The following DGKB variants were observed in gnomAD, a reference collection of about 807,000 sequenced individuals.
DGKB encodes the protein diacylglycerol kinase beta, also known as 90 kDa diacylglycerol kinase.
Under a neutral mutation model 114.3 loss-of-function variants are expected in DGKB, and 67 were observed. The observed-to-expected ratio is 0.59, with a 90% CI of 0.48 to 0.72. The LOEUF (loss-of-function observed/expected upper bound fraction) is 0.72. DGKB is among the 30% of genes least tolerant of loss of function. DGKB has a pLI of 0.00. For missense variants in DGKB, 907 were observed against 975.2 expected, an observed-to-expected ratio of 0.93 and a Z score of 0.93; for synonymous variants, 398 against 323.1, an observed-to-expected ratio of 1.23 and a Z score of -2.49.
At chr7:14,394,788 C>G (rs1821974135) in intron 21 of DGKB, among the ~76,000 whole-genome samples, 1 of 151,942 alleles carries the variant, frequency 6.6e-6, no homozygotes, top group Non-Finnish European at 1.5e-5. Context: ...ATGCTAGGTT[C>G]AACAGCATAT....
At chr7:14,401,581 C>T (rs1823109637) in intron 21 of DGKB, among the ~76,000 whole-genome samples, 1 of 151,840 alleles carries the variant, frequency 6.6e-6, no homozygotes, top group African/African-American at 2.4e-5. Flanking sequence ...TCTGTCAAGG[C>T]CATCACCTGA....
At chr7:14,366,097 A>G (rs1816632661) in intron 21 of DGKB, among the ~76,000 whole-genome samples, 1 of 152,152 alleles carries the variant, frequency 6.6e-6, no homozygotes, top group Non-Finnish European at 1.5e-5. Flanking sequence ...AGAAATTAAC[A>G]AAGATCTTAG....
intron 19 of DGKB, among the ~76,000 whole-genome samples, chr7:14,576,734 T>C (rs760390197): frequency 9.2e-5 from 14 of 152,152 alleles, no homozygotes; most frequent in Admixed American, 7.2e-4. Context: ...ATGATAGGAA[T>C]GAATGTAGTG....
At chr7:14,696,528 A>G (rs1053248752) in intron 8 of DGKB, among the ~76,000 whole-genome samples, 4 of 149,558 alleles carry the variant, frequency 2.7e-5, no homozygotes, top group Non-Finnish European at 4.4e-5. Context: ...AAAAAAAAAA[A>G]AAAAAGAAAC....
intron 20 of DGKB, among the ~76,000 whole-genome samples, chr7:14,564,809 C>T (rs1797156925): frequency 6.6e-6 from 1 of 151,602 alleles, no homozygotes. Flanking sequence ...TTTCCTCCTG[C>T]TTCATTGGCC....
chr7:14,266,691 C>A (rs1009795982), intron 23 of DGKB, among the ~76,000 whole-genome samples: 2 of 152,166 alleles, frequency 1.3e-5, no homozygotes, highest in African/African-American at 4.8e-5. Context: ...AACATTTTGT[C>A]ATTCCACTCT....
chr7:14,685,266 T>C lies in DGKB; in HGVS notation c.808A>G (p.Lys270Glu). The C allele has an allele frequency of 4.3e-6, 7 of 1,613,590 alleles. No homozygotes were observed. Among genetic ancestry groups the C allele is most frequent in the Non-Finnish European group, 5.1e-6 (6 of 1,179,600 alleles). ...TCACAGGAACAGCAGAGGCCCTGCT[T>C]CCCCACGCCAATCAGCATGTTCAGG... ...LCLNMLIGVG[K>E]QGLCCSFCKY... Residue 270 changes from lysine to glutamate, a missense_variant, in exon 10 of 26, where the codon AAG becomes GAG. Lys to Glu is a moderately conservative substitution (Grantham distance 56, BLOSUM62 1). Coordinates refer to ENST00000402815, the MANE Select transcript of DGKB (RefSeq NM_001350709.2).
At chr7:14,647,012 A>C (rs889096200) in intron 13 of DGKB, among the ~76,000 whole-genome samples, 1 of 150,962 alleles carries the variant, frequency 6.6e-6, no homozygotes, top group Non-Finnish European at 1.5e-5. Flanking sequence ...AAAAAATTAC[A>C]AACAGTCAAC....
At position 14,508,803 on chromosome 7, in the gene DGKB, T is replaced by C. The variant is rs114888837; in HGVS notation, c.1771-30578A>G. 5.6e-3 allele frequency among the ~76,000 whole-genome samples: 842 copies of C among 151,700 alleles called. 11 individuals carry two copies. Among genetic ancestry groups the C allele is most frequent in the African/African-American group, 0.02 (820 of 41,004 alleles). On this transcript the variant is annotated intron_variant, in intron 20 of 25. Coordinates refer to ENST00000402815, the MANE Select transcript of DGKB (RefSeq NM_001350709.2). ...GAGTCATATAATTTAGTCATGTCTC[T>C]TGACCCCAGATCTAGTGTTTTTGTT...
chr7:14,452,580 T>G (rs996483790), intron 21 of DGKB, among the ~76,000 whole-genome samples: 2 of 152,012 alleles, frequency 1.3e-5, no homozygotes, highest in African/African-American at 4.8e-5. Context: ...CTTACTGAAA[T>G]TTTTAATAAG....
chr7:14,220,687 A>T (rs1163609061), intron 23 of DGKB, among the ~76,000 whole-genome samples: 2 of 151,596 alleles, frequency 1.3e-5, no homozygotes, highest in Non-Finnish European at 3.0e-5. Flanking sequence ...TAGTGATTGC[A>T]TTGAATCTGT....
Position 14,919,069 on chromosome 7 carries a change from CACACACACACACACACACACACACAA to C in DGKB, c.-188+55601_-188+55626del, listed in dbSNP as rs1013940525. Among the ~76,000 whole-genome samples, 13 of 120,000 alleles carry C rather than the reference CACACACACACACACACACACACACAA, an allele frequency of 1.1e-4. 1 individual carries two copies. Among genetic ancestry groups the C allele is most frequent in the Admixed American group, 8.8e-4 (10 of 11,396 alleles). 78.7% of individuals were successfully genotyped at this position (120,000 alleles called of 152,430 possible). A position where few individuals can be genotyped will look rare whatever the true frequency, so the allele number is the denominator to read the frequency against. Reference sequence around the variant, plus strand: ...AGTGAGACTCCACCACACGCACACACACACACACACACACACACACACACAAACACACACACACACACACACACACA... The same window carrying C: ...AGTGAGACTCCACCACACGCACACACACACACACACACACACACACACACA... On this transcript the variant is annotated intron_variant, in intron 1 of 4. Coordinates refer to the DGKB transcript ENST00000437998.
intron 21 of DGKB, among the ~76,000 whole-genome samples, chr7:14,385,188 G>T (rs145906058): frequency 1.2e-4 from 18 of 152,060 alleles, no homozygotes; most frequent in Middle Eastern, 6.8e-3. Context: ...ACAATGTCAC[G>T]CATGCTGTAT....
chr7:14,729,561 G>A (rs1830615767), intron 5 of DGKB, among the ~76,000 whole-genome samples: 1 of 152,144 alleles, frequency 6.6e-6, no homozygotes, highest in Non-Finnish European at 1.5e-5. Flanking sequence ...AAATGTGTAT[G>A]TTGATTTCTC....
chr7:14,848,939 A>G (rs1449156001), intron 1 of DGKB, among the ~76,000 whole-genome samples: 1 of 151,910 alleles, frequency 6.6e-6, no homozygotes, highest in Non-Finnish European at 1.5e-5. Context: ...TACAATCTGA[A>G]AGCTTTCCTT....
intron 13 of DGKB, among the ~76,000 whole-genome samples, chr7:14,643,221 T>A (rs1052172029): frequency 2.0e-5 from 3 of 151,940 alleles, no homozygotes; most frequent in Non-Finnish European, 2.9e-5. Flanking sequence ...AGGAAAAAGG[T>A]AGGTGGGAGA....
Position 14,553,865 on chromosome 7 carries a change from C to CTTTTTTTTTTTTTTTTT in DGKB, c.1770+20330_1770+20346dup, listed in dbSNP as rs58879064. ...ATATATTTGTGTGCTCCTTTACATGCTTTTTTTTTTTTTTTTTTTTTTTTT... is the reference window on the plus strand; with the variant it reads ...ATATATTTGTGTGCTCCTTTACATGCTTTTTTTTTTTTTTTTTTTTTTTTTTTTTTTTTTTTTTTTTT... On this transcript the variant is annotated intron_variant, in intron 20 of 25. Transcript: ENST00000402815. 5.6e-5 allele frequency among the ~76,000 whole-genome samples: 4 copies of CTTTTTTTTTTTTTTTTT among 71,208 alleles called. 1 individual carries two copies. Among genetic ancestry groups the CTTTTTTTTTTTTTTTTT allele is most frequent in the South Asian group, 6.5e-4 (1 of 1,528 alleles). 46.7% of individuals were successfully genotyped at this position (71,208 alleles called of 152,430 possible). A position where few individuals can be genotyped will look rare whatever the true frequency, so the allele number is the denominator to read the frequency against.
intron 21 of DGKB, among the ~76,000 whole-genome samples, chr7:14,382,297 T>A (rs1019623835): frequency 4.6e-4 from 70 of 152,258 alleles, no homozygotes; most frequent in African/African-American, 1.6e-3. Flanking sequence ...GCAATTTTTT[T>A]TTTTGTCCAC....
At chr7:14,513,562 C>T (rs1309433106) in intron 20 of DGKB, among the ~76,000 whole-genome samples, 1 of 151,942 alleles carries the variant, frequency 6.6e-6, no homozygotes, top group Non-Finnish European at 1.5e-5. Context: ...ACTATGTCAA[C>T]AGAATGATTT....
Sources: allele counts gnomAD v4.1 joint callset (sites outside exome capture counted in the v4.1 genomes callset), GRCh38; gene constraint gnomAD v4.1.1; transcripts MANE v1.5; gene names NCBI Gene and HGNC (gene_info 2026-07-23, HGNC 2026-07-21).